The following ABCC5 variants were observed in gnomAD, a reference collection of about 807,000 sequenced individuals.
The protein encoded by ABCC5 is ATP binding cassette subfamily C member 5.
In ABCC5, 61 loss-of-function variants were observed where a neutral mutation model predicts 160.9. The observed-to-expected ratio is 0.38, with a 90% CI of 0.31 to 0.47. The LOEUF (loss-of-function observed/expected upper bound fraction) is 0.47. Ranked by LOEUF, ABCC5 falls within the 20% of genes least tolerant of loss-of-function variation. The pLI is 0.99. For synonymous variants in ABCC5, 666 were observed against 700.6 expected, an observed-to-expected ratio of 0.95 and a Z score of 0.78; for missense variants, 1,308 against 1,813.3, an observed-to-expected ratio of 0.72 and a Z score of 5.06.
rs528040857 is a variant in ABCC5 at position 183,920,266 on chromosome 3, C to T, written c.*1034G>A. On this transcript the variant is annotated 3_prime_UTR_variant, in exon 30 of 30. Coordinates refer to ENST00000334444, the MANE Select transcript of ABCC5 (RefSeq NM_005688.4). This position sits in a 1 kb window ranked among gnomAD's most constrained non-coding sequence, Gnocchi z 4.1. ...GGAGAGAGAGAGAGAGACTGTGCGACGACTGCGGTGAGAAAGGAAAACAGA... is the reference window on the plus strand; with the variant it reads ...GGAGAGAGAGAGAGAGACTGTGCGATGACTGCGGTGAGAAAGGAAAACAGA... 7 of 152,744 alleles carry T rather than the reference C, an allele frequency of 4.6e-5. No homozygotes were observed. The highest frequency in any genetic ancestry group is 3.3e-4 in the Admixed American group (5 of 15,292). The allele number at this position is 152,744 out of a possible 1,614,324, so 9.5% of individuals were successfully genotyped here.
intron 5 of ABCC5, 70 bp from the exon 6 acceptor site, chr3:183,983,077 TAA>T: frequency 7.0e-7 from 1 of 1,425,054 alleles, no homozygotes; most frequent in Non-Finnish European, 9.9e-7. Context: ...AGTTTTATGT[TAA>T]GTTAGAAAGA....
At chr3:184,015,337 T>C (rs996815543) in intron 1 of ABCC5, among the ~76,000 whole-genome samples, 5 of 152,174 alleles carry the variant, frequency 3.3e-5, no homozygotes, top group African/African-American at 1.2e-4. Context: ...TTCTCCAAAA[T>C]GTTTCCCCCC....
intron 26 of ABCC5, among the ~76,000 whole-genome samples, chr3:183,929,749 T>A (rs1055093489): frequency 6.7e-6 from 1 of 148,382 alleles, no homozygotes. Context: ...AGACTAGAAA[T>A]TTTTTTTTTT....
At chr3:183,979,411 G>A (rs768187168) in intron 8 of ABCC5, among the ~76,000 whole-genome samples, 1 of 151,440 alleles carries the variant, frequency 6.6e-6, no homozygotes, top group East Asian at 1.9e-4. Context: ...CTGTATGTTG[G>A]CAGTGGGATA....
intron 16 of ABCC5, among the ~76,000 whole-genome samples, chr3:183,960,764 C>T (rs1716647234): frequency 6.7e-6 from 1 of 149,398 alleles, no homozygotes; most frequent in Non-Finnish European, 1.5e-5. Flanking sequence ...CTACTTAATG[C>T]TCTCCTTTCC....
chr3:183,939,986 C>T (rs185097223), intron 25 of ABCC5, among the ~76,000 whole-genome samples: 1 of 152,196 alleles, frequency 6.6e-6, no homozygotes, highest in African/African-American at 2.4e-5. Flanking sequence ...CAGCCACGAC[C>T]CCACTGTCGG....
chr3:183,965,336 G>C (rs28365027), intron 13 of ABCC5, 41 bp downstream of exon 13: 8 of 1,613,998 alleles, frequency 5.0e-6, no homozygotes, highest in Non-Finnish European at 6.8e-6. Context: ...CATCTCACGC[G>C]GCCAAGATGG....
At chr3:183,961,754 C>T in intron 15 of ABCC5, 100 bp from the exon 16 acceptor site, 2 of 1,415,342 alleles carry the variant, frequency 1.4e-6, no homozygotes, top group Non-Finnish European at 1.9e-6. Flanking sequence ...ACGAGTTAAG[C>T]TCCCAGAAGA....
intron 15 of ABCC5, among the ~76,000 whole-genome samples, chr3:183,962,263 T>G (rs867064821): frequency 9.2e-5 from 14 of 152,150 alleles, no homozygotes; most frequent in African/African-American, 3.4e-4. Context: ...GTTTAATATC[T>G]CATGCAATTT....
chr3:183,933,700 C>A (rs896733192), intron 26 of ABCC5, among the ~76,000 whole-genome samples: 12 of 152,150 alleles, frequency 7.9e-5, no homozygotes, highest in African/African-American at 2.9e-4. Flanking sequence ...GGTGTGGTCC[C>A]AAATTATCTG....
intron 14 of ABCC5, among the ~76,000 whole-genome samples, chr3:183,964,212 A>G (rs368077517): frequency 1.3e-5 from 2 of 152,204 alleles, no homozygotes; most frequent in African/African-American, 2.4e-5. Flanking sequence ...GGCTCTTTTC[A>G]TCAGATTATT....
intron 15 of ABCC5, among the ~76,000 whole-genome samples, 157 bp from the exon 16 acceptor site, chr3:183,961,811 G>C (rs1716766334): frequency 6.6e-6 from 1 of 152,044 alleles, no homozygotes; most frequent in South Asian, 2.1e-4. Context: ...GCAGAGTCTT[G>C]CTCTGTCGTT....
intron 10 of ABCC5, among the ~76,000 whole-genome samples, chr3:183,974,457 C>T (rs1718040457): frequency 6.6e-6 from 1 of 152,010 alleles, no homozygotes; most frequent in Non-Finnish European, 1.5e-5. Context: ...TACAGGTGCC[C>T]ACCACCACAC....
Position 183,971,638 on chromosome 3 carries a change from T to G in ABCC5, c.1686A>C (p.Glu562Asp). 1 of 1,614,174 alleles carries G rather than the reference T, an allele frequency of 6.2e-7. No individual in the cohort carries two copies. The highest frequency in any genetic ancestry group is 8.5e-7 in the Non-Finnish European group (1 of 1,180,020). ...GGCCCAGGTGGATGTGCTTGCCTTC[T>G]TCCTCTTCGGGACTGGGCCGCTCGT... is the stretch of plus-strand genomic sequence containing the variant. ...DSDERPSPEEEEGKHIHLGHL... is the reference protein window; with the variant it reads ...DSDERPSPEEDEGKHIHLGHL... The change falls in exon 11 of 30, where the codon GAA (glutamate) becomes GAC (aspartate). Residue 562 changes from glutamate to aspartate, a missense_variant. Glu to Asp is a conservative substitution (Grantham distance 45, BLOSUM62 2). This residue lies in a region of ABCC5 where 1,142 missense variants were observed against 1,527.1 expected (regional missense o/e 0.75). Transcript: ENST00000334444.
At chr3:183,954,823 G>A (rs556342485) in intron 17 of ABCC5, among the ~76,000 whole-genome samples, 4 of 152,120 alleles carry the variant, frequency 2.6e-5, no homozygotes, top group African/African-American at 7.2e-5. Flanking sequence ...CAAGGCAGTT[G>A]GATTACAGCT....
chr3:183,947,196 G>A (rs1267752658), intron 23 of ABCC5, 128 bp downstream of exon 23: 4 of 1,025,986 alleles, frequency 3.9e-6, no homozygotes, highest in Admixed American at 3.3e-5. Context: ...ATCAGACCAT[G>A]AGCAATTCTA....
rs749412203 is a variant in ABCC5, at chr3:183,981,893, C to A, written c.1000-19G>T. 6.3e-6 allele frequency: 10 copies of A among 1,581,476 alleles called. No homozygotes were observed. The highest frequency in any genetic ancestry group is 8.6e-6 in the Non-Finnish European group (10 of 1,169,208). On this transcript the variant is annotated intron_variant, in intron 7 of 29. Coordinates refer to ENST00000334444, the MANE Select transcript of ABCC5 (RefSeq NM_005688.4). The stretch of plus-strand genomic sequence containing the variant: ...CAAACATCTGAAAGGAAAAGCGATG[C>A]CACGCCAAATTAAAGCTCATTCAAA...
intron 5 of ABCC5, chr3:183,985,832 A>C (rs1719167130): frequency 1.6e-5 from 3 of 186,394 alleles, no homozygotes; most frequent in South Asian, 1.1e-4. Context: ...TTGGTGTATA[A>C]ATGTCAGCAT....
intron 1 of ABCC5, among the ~76,000 whole-genome samples, chr3:184,015,894 T>C (rs906517555): frequency 1.3e-5 from 2 of 152,134 alleles, no homozygotes; most frequent in East Asian, 3.9e-4. Flanking sequence ...ATTCTAACCT[T>C]CCCCTTCAAG....
Sources: gnomAD v4.1 joint callset for allele counts (sites outside exome capture counted in the v4.1 genomes callset) on GRCh38, gnomAD v4.1.1 for gene constraint, gnomAD v4.1.1 regional missense constraint, Gnocchi (gnomAD v3.1) non-coding constraint, MANE v1.5 for transcripts, NCBI Gene and HGNC (gene_info 2026-07-23, HGNC 2026-07-21) for gene names.